Variants in UBE2QL1 observed in about 807,000 individuals in gnomAD.
UBE2QL1 encodes the protein ubiquitin-conjugating enzyme E2Q-like protein 1.
UBE2QL1 carries 5 observed loss-of-function variants against 12.6 expected under a neutral mutation model. The observed-to-expected ratio is 0.40, with a 90% CI of 0.21 to 0.83. UBE2QL1 has a LOEUF of 0.83. Among genes scored for constraint, UBE2QL1 ranks in the 40% least tolerant of loss-of-function variants. UBE2QL1 has a pLI of 0.37. For missense variants in UBE2QL1, 99 were observed against 222.6 expected (o/e 0.44, Z 3.53); for synonymous variants, 96 against 94.5 (o/e 1.02, Z -0.10).
At chr5:6,472,779 C>G (rs1739943140) in intron 1 of UBE2QL1, among the ~76,000 whole-genome samples, 1 of 152,152 alleles carries the variant, frequency 6.6e-6, no homozygotes, top group Admixed American at 6.5e-5. Context: ...AAAGCCCTCC[C>G]TAATTTTGAA....
intron 1 of UBE2QL1, among the ~76,000 whole-genome samples, chr5:6,451,330 C>T (rs1214395968): frequency 6.6e-6 from 1 of 151,808 alleles, no homozygotes; most frequent in Non-Finnish European, 1.5e-5. Context: ...AATAATAATT[C>T]CTTTGGTGCC....
At chr5:6,484,892 T>C (rs1219235171) in intron 1 of UBE2QL1, among the ~76,000 whole-genome samples, 3 of 152,016 alleles carry the variant, frequency 2.0e-5, no homozygotes, top group Non-Finnish European at 2.9e-5. Context: ...AACTGGCTCA[T>C]GTGGCCTGGG....
rs1449407577 is a variant in UBE2QL1, at chr5:6,481,377, G to A, written c.355-9841G>A. On this transcript the variant is annotated intron_variant, in intron 1 of 1. Coordinates refer to ENST00000399816, the MANE Select transcript of UBE2QL1 (RefSeq NM_001145161.3). The surrounding 1 kb of genome is among the most constrained non-coding windows in gnomAD (Gnocchi z 4.5). ...GGTGCTCATTATCCCCATGCAGGAGGTGAGGGCGGGTAGTGACATGGGTGC... is the reference window on the plus strand; with the variant it reads ...GGTGCTCATTATCCCCATGCAGGAGATGAGGGCGGGTAGTGACATGGGTGC... 2.0e-5 allele frequency among the ~76,000 whole-genome samples: 3 copies of A among 152,208 alleles called. No individual in the cohort carries two copies. Among genetic ancestry groups the A allele is most frequent in the African/African-American group, 7.2e-5 (3 of 41,448 alleles).
intron 1 of UBE2QL1, among the ~76,000 whole-genome samples, chr5:6,487,679 C>T (rs113006524): frequency 1.2e-4 from 18 of 152,266 alleles, no homozygotes; most frequent in African/African-American, 3.9e-4. Context: ...ATAAGAAAAA[C>T]GCTGTTAATT....
At chr5:6,453,696 T>C (rs896859486) in intron 1 of UBE2QL1, among the ~76,000 whole-genome samples, 4 of 121,594 alleles carry the variant, frequency 3.3e-5, no homozygotes, top group African/African-American at 9.5e-5. Flanking sequence ...GAAGCACAAG[T>C]GCACACACAT....
At chr5:6,472,674 G>C (rs1739939558) in intron 1 of UBE2QL1, among the ~76,000 whole-genome samples, 1 of 151,908 alleles carries the variant, frequency 6.6e-6, no homozygotes, top group Non-Finnish European at 1.5e-5. Flanking sequence ...TCTTTTTCCA[G>C]GTATTAATTT....
chr5:6,457,543 T>C (rs1380509651), intron 1 of UBE2QL1, among the ~76,000 whole-genome samples: 1 of 146,506 alleles, frequency 6.8e-6, no homozygotes, highest in East Asian at 2.1e-4. Context: ...TCCTCTTCAT[T>C]TTGCCCCTTC....
At chr5:6,486,337 CACAA>C (rs1309382645) in intron 1 of UBE2QL1, among the ~76,000 whole-genome samples, 5 of 152,096 alleles carry the variant, frequency 3.3e-5, no homozygotes, top group East Asian at 1.9e-4. Flanking sequence ...CACACACACA[CACAA>C]ACACACACAC....
At chr5:6,453,615 G>A (rs1235205478) in intron 1 of UBE2QL1, among the ~76,000 whole-genome samples, 1 of 152,180 alleles carries the variant, frequency 6.6e-6, no homozygotes, top group Non-Finnish European at 1.5e-5. Context: ...TCAGCTTTGT[G>A]AAATGATATG....
intron 1 of UBE2QL1, among the ~76,000 whole-genome samples, chr5:6,455,750 GAC>G (rs1345799884): frequency 1.3e-5 from 2 of 151,944 alleles, no homozygotes; most frequent in African/African-American, 4.8e-5. Flanking sequence ...CCATCTGGCA[GAC>G]ACAGCCTCAC....
intron 1 of UBE2QL1, among the ~76,000 whole-genome samples, chr5:6,449,868 A>ACC (rs5865654): frequency 0.14 from 15,863 of 116,750 alleles, 1,933 homozygotes; most frequent in Non-Finnish European, 0.19. Context: ...CACCTCCCCA[A>ACC]CCCCCCCCAC....
chr5:6,484,038 G>A (rs1475216086), intron 1 of UBE2QL1, among the ~76,000 whole-genome samples: 1 of 152,172 alleles, frequency 6.6e-6, no homozygotes, highest in African/African-American at 2.4e-5. Flanking sequence ...TTTTGAGTTG[G>A]TACTTTCCAG....
At chr5:6,465,908 A>T (rs2126342657) in intron 1 of UBE2QL1, among the ~76,000 whole-genome samples, 1 of 151,900 alleles carries the variant, frequency 6.6e-6, no homozygotes, top group East Asian at 1.9e-4. Context: ...AAGCGTTTCC[A>T]CTTTCTCCTC....
chr5:6,452,047 A>T (rs1739422220), intron 1 of UBE2QL1, among the ~76,000 whole-genome samples: 1 of 152,200 alleles, frequency 6.6e-6, no homozygotes, highest in Non-Finnish European at 1.5e-5. Flanking sequence ...TAAGCTGCAG[A>T]GTTAGAAAAG....
At chr5:6,465,378 T>A (rs1031644277) in intron 1 of UBE2QL1, among the ~76,000 whole-genome samples, 2 of 152,254 alleles carry the variant, frequency 1.3e-5, no homozygotes, top group African/African-American at 4.8e-5. Context: ...TGGAAAACAT[T>A]TAGTTTTCTT....
At chr5:6,469,018 G>A (rs967380842) in intron 1 of UBE2QL1, among the ~76,000 whole-genome samples, 3 of 152,196 alleles carry the variant, frequency 2.0e-5, no homozygotes, top group Admixed American at 6.5e-5. Context: ...AGACTTGTGC[G>A]TGCAACCAGC....
At chr5:6,457,295 GC>G (rs1400271391) in intron 1 of UBE2QL1, among the ~76,000 whole-genome samples, 1 of 151,804 alleles carries the variant, frequency 6.6e-6, no homozygotes, top group African/African-American at 2.4e-5. Context: ...CTGCCCAGAT[GC>G]CCCAACTTCT....
Position 6,449,199 on chromosome 5 carries a change from C to G in UBE2QL1, c.306C>G (p.Thr102=). ...CGCGCGGCTGGTCCAGCGCCTACAC[C>G]GTGGAGGCCGTCATGCGCCAGTTCG... The part of the protein sequence containing the change: ...LTPRGWSSAY[T]VEAVMRQFAA... Residue 102 remains threonine (T), a synonymous_variant, in exon 1 of 2, where the codon ACC becomes ACG. Transcript: ENST00000399816. 6.7e-7 allele frequency: 1 copy of G among 1,486,862 alleles called. No homozygotes were observed. The highest frequency in any genetic ancestry group is 2.7e-5 in the East Asian group (1 of 36,602). The allele number at this position is 1,486,862 out of a possible 1,614,324, so 92.1% of individuals were successfully genotyped here.
rs61309108 is a variant in UBE2QL1, at chr5:6,481,875, G to C, written c.355-9343G>C. Among the ~76,000 whole-genome samples, 1,354 of 152,360 alleles carry C rather than the reference G, an allele frequency of 8.9e-3. 20 individuals carry two copies. The highest frequency in any genetic ancestry group is 0.031 in the African/African-American group (1,303 of 41,580). Reference sequence around the variant, plus strand: ...CCTGCAGAATGGGTGCAAGTGCTGAGGTACAGGTGAAAGGCCTCTCTGTCA... The same window carrying C: ...CCTGCAGAATGGGTGCAAGTGCTGACGTACAGGTGAAAGGCCTCTCTGTCA... On this transcript the variant is annotated intron_variant, in intron 1 of 1. Transcript: ENST00000399816. This position sits in a 1 kb window ranked among gnomAD's most constrained non-coding sequence, Gnocchi z 4.5.
Sources: allele counts gnomAD v4.1 joint callset (sites outside exome capture counted in the v4.1 genomes callset), GRCh38; gene constraint gnomAD v4.1.1; non-coding constraint Gnocchi (gnomAD v3.1); transcripts MANE v1.5; gene names NCBI Gene and HGNC (gene_info 2026-07-23, HGNC 2026-07-21).